Variants in RNLS observed in about 807,000 individuals in gnomAD.
RNLS encodes renalase.
In RNLS, 39 loss-of-function variants were observed where a neutral mutation model predicts 39.8. That is an observed-to-expected ratio of 0.98 (90% CI 0.76 to 1.28). The LOEUF (loss-of-function observed/expected upper bound fraction) is 1.28. RNLS is among the 50% of genes most tolerant of loss of function. The pLI is 0.00. For missense variants in RNLS, 410 were observed against 413.3 expected (o/e 0.99, Z 0.07); for synonymous variants, 147 against 150.7 (o/e 0.98, Z 0.18).
At chr10:88,357,465 C>T (rs1849280518) in intron 5 of RNLS, among the ~76,000 whole-genome samples, 1 of 151,968 alleles carries the variant, frequency 6.6e-6, no homozygotes, top group South Asian at 2.1e-4. Flanking sequence ...GAGTCTATAC[C>T]CAGCCTGGGA....
At chr10:88,214,543 A>C in the RNLS span, among the ~76,000 whole-genome samples, 1 of 151,404 alleles carries the variant, frequency 6.6e-6, no homozygotes, top group Non-Finnish European at 1.5e-5. Flanking sequence ...CAGGGTCTGA[A>C]TGAACCATAA....
At chr10:88,567,990 C>G (rs1163295567) in intron 4 of RNLS, among the ~76,000 whole-genome samples, 5 of 152,172 alleles carry the variant, frequency 3.3e-5, no homozygotes, top group African/African-American at 1.2e-4. Context: ...GCCCTGAAGC[C>G]TTGTCCACCA....
chr10:88,355,204 T>C (rs1849059585), intron 5 of RNLS, among the ~76,000 whole-genome samples: 1 of 152,244 alleles, frequency 6.6e-6, no homozygotes, highest in African/African-American at 2.4e-5. Context: ...GAAGCCTTCT[T>C]CTCTCAACTT....
chr10:88,229,093 C>A, the RNLS span, among the ~76,000 whole-genome samples: 1 of 152,166 alleles, frequency 6.6e-6, no homozygotes, highest in Non-Finnish European at 1.5e-5. Flanking sequence ...CATTACACTT[C>A]CACTTTTAAA....
intron 5 of RNLS, 141 bp downstream of exon 5, chr10:88,362,411 T>C: frequency 1.4e-6 from 1 of 689,764 alleles, no homozygotes. Flanking sequence ...ACTGGCCAAA[T>C]GTGACATTAA....
chr10:88,282,939 GC>G (rs1843077095), downstream of RNLS, among the ~76,000 whole-genome samples: 1 of 152,080 alleles, frequency 6.6e-6, no homozygotes, highest in Non-Finnish European at 1.5e-5. Flanking sequence ...ACTTGAATAC[GC>G]TCCTTTCAAA....
At chr10:88,342,790 T>C (rs1848046003) in intron 5 of RNLS, among the ~76,000 whole-genome samples, 1 of 151,842 alleles carries the variant, frequency 6.6e-6, no homozygotes, top group Admixed American at 6.6e-5. Context: ...TGGAAAAAAG[T>C]ATGGGAGGAA....
chr10:88,212,460 A>G, the RNLS span, among the ~76,000 whole-genome samples: 3 of 152,220 alleles, frequency 2.0e-5, no homozygotes, highest in South Asian at 6.2e-4. Flanking sequence ...TTTAAATGGT[A>G]CAACCAATAA....
downstream of RNLS, among the ~76,000 whole-genome samples, chr10:88,281,563 G>A (rs116176305): frequency 4.5e-3 from 681 of 152,144 alleles, 4 homozygotes; most frequent in African/African-American, 0.015. Context: ...CTTTGCACAC[G>A]TGTGACAGGA....
intron 4 of RNLS, among the ~76,000 whole-genome samples, chr10:88,456,053 C>G (rs1168097286): frequency 6.6e-6 from 1 of 152,152 alleles, no homozygotes; most frequent in Non-Finnish European, 1.5e-5. Flanking sequence ...AGTCCTAAGC[C>G]AAATTCTTAA....
chr10:88,400,307 C>T (rs1852835329), intron 4 of RNLS, among the ~76,000 whole-genome samples: 1 of 151,888 alleles, frequency 6.6e-6, no homozygotes, highest in Non-Finnish European at 1.5e-5. Flanking sequence ...TACAGGAATC[C>T]CTATTTTCCT....
At chr10:88,298,237 T>A (rs568227859) in intron 6 of RNLS, among the ~76,000 whole-genome samples, 81 of 152,152 alleles carry the variant, frequency 5.3e-4, no homozygotes, top group Non-Finnish European at 1.1e-3. Context: ...GATAGTAGAT[T>A]CTTATCAGAT....
At position 88,412,331 on chromosome 10, in the gene RNLS, C is replaced by T. The variant is rs760484921; in HGVS notation, c.527-49606G>A. Among the ~76,000 whole-genome samples, 13 of 152,028 alleles carry T rather than the reference C, an allele frequency of 8.6e-5. No homozygotes were observed. The East Asian group carries it at 9.7e-4, about 11-fold the overall frequency. On this transcript the variant is annotated intron_variant, in intron 4 of 6. Transcript: ENST00000331772. The stretch of plus-strand genomic sequence containing the variant: ...AAATCCTTAAAAACAACAGTGTAAG[C>T]GGGGGTGTTGAATGAAGATACAAGC...
At chr10:88,246,842 A>C in the RNLS span, among the ~76,000 whole-genome samples, 386 of 152,246 alleles carry the variant, frequency 2.5e-3, 1 homozygote, top group Non-Finnish European at 4.2e-3. Context: ...ACCATTTTAC[A>C]TGTGTAACCA....
intron 5 of RNLS, among the ~76,000 whole-genome samples, 199 bp downstream of exon 5, chr10:88,362,353 G>T (rs1250893786): frequency 2.0e-5 from 3 of 152,090 alleles, no homozygotes; most frequent in Non-Finnish European, 2.9e-5. Context: ...AAACCATGTG[G>T]TGAATGAAAT....
the RNLS span, among the ~76,000 whole-genome samples, chr10:88,250,185 A>G: frequency 0.013 from 1,935 of 152,334 alleles, 34 homozygotes; most frequent in African/African-American, 0.042. Context: ...TCAATAGACT[A>G]TAGGCTTCTG....
At chr10:88,446,445 GGCAAGAAATAACT>G (rs1336009528) in intron 4 of RNLS, among the ~76,000 whole-genome samples, 1 of 151,986 alleles carries the variant, frequency 6.6e-6, no homozygotes, top group Non-Finnish European at 1.5e-5. Flanking sequence ...GCTAGCAGAA[GGCAAGAAATAACT>G]AAGATCAGAG....
intron 5 of RNLS, among the ~76,000 whole-genome samples, chr10:88,353,365 T>A (rs1445597351): frequency 6.6e-6 from 1 of 152,222 alleles, no homozygotes; most frequent in Non-Finnish European, 1.5e-5. Flanking sequence ...TAAATTTCCC[T>A]CTACACACTG....
chr10:88,393,897 C>T (rs1255298673), intron 4 of RNLS, among the ~76,000 whole-genome samples: 1 of 152,158 alleles, frequency 6.6e-6, no homozygotes, highest in Non-Finnish European at 1.5e-5. Flanking sequence ...CGTATATCTA[C>T]AACTATCTGA....
Sources: allele counts gnomAD v4.1 joint callset (sites outside exome capture counted in the v4.1 genomes callset), GRCh38; gene constraint gnomAD v4.1.1; transcripts MANE v1.5; gene names NCBI Gene and HGNC (gene_info 2026-07-23, HGNC 2026-07-21).